The following TXNRD3 variants were observed in gnomAD, a reference collection of about 807,000 sequenced individuals.
TXNRD3 encodes the protein thioredoxin reductase 3.
In TXNRD3, 68 loss-of-function variants were observed where a neutral mutation model predicts 78.2. The observed-to-expected ratio is 0.87, with a 90% CI of 0.72 to 1.06. The LOEUF is 1.06. Ranked by LOEUF, TXNRD3 falls within the 50% of genes least tolerant of loss-of-function variation. The pLI is 0.00. For synonymous variants in TXNRD3, 296 were observed against 300.1 expected (o/e 0.99, Z 0.14); for missense variants, 751 against 809.5 (o/e 0.93, Z 0.88).
intron 6 of TXNRD3, among the ~76,000 whole-genome samples, chr3:126,637,486 C>A (rs1394343237): frequency 2.0e-5 from 3 of 152,064 alleles, no homozygotes; most frequent in Non-Finnish European, 2.9e-5. Flanking sequence ...ATATTAACTA[C>A]CACTGATATT....
chr3:126,641,570 AT>A (rs1933089925), intron 6 of TXNRD3, among the ~76,000 whole-genome samples: 4 of 152,296 alleles, frequency 2.6e-5, no homozygotes, highest in Admixed American at 6.5e-5. Flanking sequence ...CACGGACTAC[AT>A]GCTGCTTACA....
chr3:126,626,880 TAGG>T (rs937774972), intron 10 of TXNRD3, among the ~76,000 whole-genome samples: 2 of 151,768 alleles, frequency 1.3e-5, no homozygotes, highest in African/African-American at 4.8e-5. Context: ...TGCTTAAGGC[TAGG>T]AGTTCAAGAT....
intron 6 of TXNRD3, among the ~76,000 whole-genome samples, chr3:126,639,122 A>G (rs576166516): frequency 2.0e-5 from 3 of 152,236 alleles, no homozygotes; most frequent in Admixed American, 2.0e-4. Flanking sequence ...CCCCTCTTGG[A>G]CTCAATTAGT....
chr3:126,622,709 C>G (rs1938487041), intron 10 of TXNRD3, among the ~76,000 whole-genome samples, 169 bp from the exon 11 acceptor site: 1 of 152,174 alleles, frequency 6.6e-6, no homozygotes, highest in African/African-American at 2.4e-5. Context: ...AAAGACACAA[C>G]TTACCAAACT....
In TXNRD3 at chr3:126,647,487, T is replaced by C. The variant is rs1415762052; in HGVS notation, c.244-191A>G. ...ATCTTCCCAGAATAATCTCAGGCCA[T>C]CCCTTGCCTTCTTTTTACTGTCTCT... is the stretch of plus-strand genomic sequence containing the variant. On this transcript the variant is annotated intron_variant, in intron 1 of 15. Coordinates refer to ENST00000524230, the MANE Select transcript of TXNRD3 (RefSeq NM_052883.3). Among the ~76,000 whole-genome samples, 11 of 152,190 alleles carry C rather than the reference T, an allele frequency of 7.2e-5. No homozygotes were observed. The East Asian group carries it at 7.7e-4, about 11-fold the overall frequency.
chr3:126,642,859 G>A (rs1349017510), intron 5 of TXNRD3, among the ~76,000 whole-genome samples: 1 of 152,120 alleles, frequency 6.6e-6, no homozygotes, highest in Non-Finnish European at 1.5e-5. Context: ...CACTTTATGT[G>A]AAAAAAATCT....
At position 126,615,454 on chromosome 3, in the gene TXNRD3, A is replaced by G. The variant is rs972881282; in HGVS notation, c.1533T>C (p.Tyr511=). 10 of 1,477,092 alleles carry G rather than the reference A, an allele frequency of 6.8e-6. No individual in the cohort carries two copies. Among genetic ancestry groups the G allele is most frequent in the Non-Finnish European group, 7.2e-6 (8 of 1,114,832 alleles). The allele number at this position is 1,477,092 out of a possible 1,614,324, so 91.5% of individuals were successfully genotyped here. ...TAAACACTGTAGTCGGAACATTAAT[A>G]TAATCACACTGAAAGACAAACAAAT... The change falls in exon 13 of 16, where the codon TAT becomes TAC. Residue 511 remains tyrosine, a synonymous_variant. Coordinates refer to ENST00000524230, the MANE Select transcript of TXNRD3 (RefSeq NM_052883.3).
At chr3:126,653,973 A>T (rs1318921002) in intron 1 of TXNRD3, among the ~76,000 whole-genome samples, 1 of 152,098 alleles carries the variant, frequency 6.6e-6, no homozygotes, top group Non-Finnish European at 1.5e-5. Flanking sequence ...GTCCCAAAAC[A>T]GGCCAAAAGG....
At chr3:126,628,745 C>T (rs1559774813) in intron 10 of TXNRD3, among the ~76,000 whole-genome samples, 1 of 151,958 alleles carries the variant, frequency 6.6e-6, no homozygotes, top group Non-Finnish European at 1.5e-5. Context: ...CAAGTGTTTC[C>T]AAATTTTCCT....
At chr3:126,648,588 A>C (rs1933296041) in intron 1 of TXNRD3, among the ~76,000 whole-genome samples, 2 of 152,214 alleles carry the variant, frequency 1.3e-5, no homozygotes, top group African/African-American at 4.8e-5. Flanking sequence ...AGACCATTCA[A>C]TGGGGAAAGG....
At chr3:126,630,522 G>C (rs192154278) in intron 9 of TXNRD3, among the ~76,000 whole-genome samples, 190 bp downstream of exon 9, 26 of 152,298 alleles carry the variant, frequency 1.7e-4, no homozygotes, top group African/African-American at 5.5e-4. Context: ...CAGCCTCTGA[G>C]AAGAGCAAGG....
Position 126,634,007 on chromosome 3 carries a change from T to C in TXNRD3, c.757A>G (p.Ile253Val), listed in dbSNP as rs1320108936. Residue 253 changes from isoleucine (I) to valine (V), a missense_variant, in exon 7 of 16, where the codon ATC becomes GTC. Coordinates refer to ENST00000524230, the MANE Select transcript of TXNRD3 (RefSeq NM_052883.3). ...CTGTAGCCCCAGTTTAGAGAGCTGA[T>C]GTGGTTCTGAATCGCTTTTGTCATT... 6.5e-7 allele frequency: 1 copy of C among 1,528,108 alleles called. No homozygotes were observed. The highest frequency in any genetic ancestry group is 2.4e-5 in the East Asian group (1 of 40,822). 94.7% of individuals were successfully genotyped at this position (1,528,108 alleles called of 1,614,324 possible).
intron 8 of TXNRD3, 39 bp from the exon 9 acceptor site, chr3:126,630,976 A>C (rs779811050): frequency 7.4e-5 from 112 of 1,512,354 alleles, no homozygotes; most frequent in Non-Finnish European, 9.5e-5. Flanking sequence ...CCTAGGCAGC[A>C]AGAATGAAAT....
chr3:126,638,503 G>C (rs1932970062), intron 6 of TXNRD3, among the ~76,000 whole-genome samples: 1 of 152,152 alleles, frequency 6.6e-6, no homozygotes, highest in Non-Finnish European at 1.5e-5. Context: ...GGAGGCCAAG[G>C]TGGGTGGATC....
chr3:126,631,917 T>C, intron 7 of TXNRD3, 38 bp from the exon 8 acceptor site: 2 of 1,379,944 alleles, frequency 1.4e-6, no homozygotes, highest in Non-Finnish European at 9.9e-7. Flanking sequence ...TAGCAAACAC[T>C]ACAGAGTACC....
At chr3:126,626,659 A>C (rs938831458) in intron 10 of TXNRD3, among the ~76,000 whole-genome samples, 9 of 152,230 alleles carry the variant, frequency 5.9e-5, no homozygotes, top group Non-Finnish European at 1.3e-4. Flanking sequence ...AGGGTCTGGA[A>C]CAACTAGGCC....
intron 6 of TXNRD3, among the ~76,000 whole-genome samples, chr3:126,639,121 G>C (rs1279699532): frequency 6.6e-6 from 1 of 152,124 alleles, no homozygotes; most frequent in African/African-American, 2.4e-5. Flanking sequence ...TCCCCTCTTG[G>C]ACTCAATTAG....
chr3:126,640,800 T>C (rs1217071973), intron 6 of TXNRD3, among the ~76,000 whole-genome samples: 1 of 151,968 alleles, frequency 6.6e-6, no homozygotes, highest in East Asian at 1.9e-4. Context: ...CTTTCCTCTC[T>C]TTTCTAAGTT....
Position 126,640,255 on chromosome 3 carries a change from C to T in TXNRD3, c.712+1777G>A, listed in dbSNP as rs1313386342. The stretch of plus-strand genomic sequence containing the variant: ...GAGTAGCTGGGACTACAGGCGCCCG[C>T]CACTACGCCCGGCTAATTTTTTGTA... On this transcript the variant is annotated intron_variant, in intron 6 of 15. Transcript: ENST00000524230. Among the ~76,000 whole-genome samples, 21 of 34,712 alleles carry T rather than the reference C, an allele frequency of 6.0e-4. 1 individual carries two copies. The highest frequency in any genetic ancestry group is 1.0e-3 in the Non-Finnish European group (9 of 8,832). 22.8% of individuals were successfully genotyped at this position (34,712 alleles called of 152,430 possible).
Sources: allele counts gnomAD v4.1 joint callset (sites outside exome capture counted in the v4.1 genomes callset), GRCh38; gene constraint gnomAD v4.1.1; transcripts MANE v1.5; gene names NCBI Gene and HGNC (gene_info 2026-07-23, HGNC 2026-07-21).